The following ANO1 variants were observed in gnomAD, a reference collection of about 807,000 sequenced individuals.
ANO1 encodes the protein anoctamin 1, also known as anoctamin-1.
In ANO1, 59 loss-of-function variants were observed where a neutral mutation model predicts 124.0. That is an observed-to-expected ratio of 0.48 (90% confidence interval 0.39 to 0.59). The LOEUF (loss-of-function observed/expected upper bound fraction) is 0.59, where lower values mean the gene tolerates loss of function less well. Among genes scored for constraint, ANO1 ranks in the 20% least tolerant of loss-of-function variants. The probability of loss-of-function intolerance (pLI) is 0.00; values close to 1 mark genes in which losing one functional copy is unlikely to be tolerated. For synonymous variants in ANO1, 529 were observed against 532.0 expected (o/e 0.99, Z 0.08); for missense variants, 1,059 against 1,328.0 (o/e 0.80, Z 3.15).
At chr11:70,057,038 A>T (rs986736308) in intron 1 of ANO1, among the ~76,000 whole-genome samples, 1 of 152,160 alleles carries the variant, frequency 6.6e-6, no homozygotes, top group Non-Finnish European at 1.5e-5. Context: ...TATTCATCAT[A>T]TTAACAGATG....
chr11:70,095,248 A>AAAGGAAGGAAGGAAGGAAGG (rs71046578), intron 2 of ANO1, among the ~76,000 whole-genome samples: 4 of 36,990 alleles, frequency 1.1e-4, no homozygotes, highest in African/African-American at 3.3e-4. Flanking sequence ...AAAGAAAAAG[A>AAAGGAAGGAAGGAAGGAAGG]AAGGAAGGAA....
chr11:70,034,623 A>G (rs1857062818), intron 1 of ANO1, among the ~76,000 whole-genome samples: 1 of 152,312 alleles, frequency 6.6e-6, no homozygotes, highest in East Asian at 1.9e-4. Context: ...GATGGTCTCT[A>G]CTGCAGGAGA....
At position 70,165,556 on chromosome 11, in the gene ANO1, CGA is replaced by C. The variant is rs2048223344; in HGVS notation, c.2040_2041del (p.Glu680AspfsTer22). 1 of 1,610,758 alleles carries C rather than the reference CGA, an allele frequency of 6.2e-7. No homozygotes were observed. Among genetic ancestry groups the C allele is most frequent in the African/African-American group, 1.3e-5 (1 of 74,834 alleles). Reference sequence around the variant, plus strand: ...AACAGCTGATCCAGAACAACCTGTTCGAGATCGGCATCCCGTGAGTGTGCTGC... The same window carrying C: ...AACAGCTGATCCAGAACAACCTGTTCGATCGGCATCCCGTGAGTGTGCTGC... ...GKQLIQNNLF[E>X]IGIPKMKKLI... On this transcript the variant is annotated frameshift_variant, in exon 20 of 26. Coordinates refer to ENST00000355303, the MANE Select transcript of ANO1 (RefSeq NM_018043.7). LOFTEE classifies it high-confidence loss of function.
At chr11:70,172,771 CAGG>C (rs929611676) in intron 22 of ANO1, among the ~76,000 whole-genome samples, 30 of 151,962 alleles carry the variant, frequency 2.0e-4, no homozygotes, top group African/African-American at 7.2e-4. Context: ...GAGGCTGAGG[CAGG>C]AGAATTCCTT....
chr11:70,163,797 G>C (rs564670414), intron 19 of ANO1, among the ~76,000 whole-genome samples: 24 of 152,170 alleles, frequency 1.6e-4, no homozygotes, highest in Non-Finnish European at 3.2e-4. Context: ...AATTAGCCGG[G>C]TGTGGTGGTG....
At chr11:70,018,908 G>A (rs2134991535) in intron 1 of ANO1, among the ~76,000 whole-genome samples, 1 of 152,312 alleles carries the variant, frequency 6.6e-6, no homozygotes, top group East Asian at 1.9e-4. Context: ...GCCAAAAATA[G>A]GCAGCCTCAG....
chr11:70,105,833 C>T lies in ANO1; in HGVS notation c.747+45C>T, dbSNP rs760829023. 3.2e-6 allele frequency: 5 copies of T among 1,582,610 alleles called. No individual in the cohort carries two copies. In the South Asian group the frequency reaches 4.4e-5, roughly 14 times the overall value. On this transcript the variant is annotated intron_variant, in intron 5 of 25. Transcript: ENST00000355303. Reference sequence around the variant, plus strand: ...GGAAACGGCTCACTGGCAAGATGGCCCTGGGGATCCAGATGATAATTTCAT... The same window carrying T: ...GGAAACGGCTCACTGGCAAGATGGCTCTGGGGATCCAGATGATAATTTCAT...
chr11:70,172,103 GA>G (rs2048494217), intron 22 of ANO1, among the ~76,000 whole-genome samples: 1 of 136,764 alleles, frequency 7.3e-6, no homozygotes, highest in Admixed American at 7.7e-5. Context: ...CTGGGCAACA[GA>G]GAGAGAACCT....
chr11:70,097,563 C>A (rs2045049397), intron 2 of ANO1, among the ~76,000 whole-genome samples: 2 of 152,192 alleles, frequency 1.3e-5, no homozygotes, highest in Admixed American at 6.5e-5. Flanking sequence ...TAGGAGTGAG[C>A]ATTGCAGGGT....
At chr11:70,142,005 G>T (rs1384091481) in intron 11 of ANO1, among the ~76,000 whole-genome samples, 2 of 152,108 alleles carry the variant, frequency 1.3e-5, no homozygotes, top group East Asian at 3.9e-4. Flanking sequence ...TGCACCGTGG[G>T]GTCCAGCTTT....
the ANO1 span, among the ~76,000 whole-genome samples, chr11:69,966,554 C>G: frequency 6.6e-6 from 1 of 152,232 alleles, no homozygotes; most frequent in South Asian, 2.1e-4. Context: ...CTGGGAAGCC[C>G]GAGGCCGGCA....
At chr11:69,977,705 T>A in the ANO1 span, among the ~76,000 whole-genome samples, 3 of 152,202 alleles carry the variant, frequency 2.0e-5, no homozygotes, top group Admixed American at 1.3e-4. Flanking sequence ...TCAAGGACAA[T>A]GCAGCCAGCT....
At chr11:70,154,551 C>T (rs2047732156) in intron 14 of ANO1, among the ~76,000 whole-genome samples, 1 of 145,836 alleles carries the variant, frequency 6.9e-6, no homozygotes, top group South Asian at 2.2e-4. Flanking sequence ...ACTGCAAGCT[C>T]TGCCTCCCAG....
At chr11:70,099,372 C>T (rs953964692) in intron 2 of ANO1, among the ~76,000 whole-genome samples, 9 of 152,142 alleles carry the variant, frequency 5.9e-5, no homozygotes, top group East Asian at 5.8e-4. Flanking sequence ...CTCATGTAAA[C>T]GGGGGTGCAT....
At chr11:70,077,553 G>T (rs778919567), upstream of ANO1, among the ~76,000 whole-genome samples, 1 of 152,162 alleles carries the variant, frequency 6.6e-6, no homozygotes, top group Non-Finnish European at 1.5e-5. Context: ...AGGTCCGGGG[G>T]TAAGAGAGAT....
chr11:70,187,496 C>T (rs897331523), intron 25 of ANO1, among the ~76,000 whole-genome samples: 3 of 152,196 alleles, frequency 2.0e-5, no homozygotes, highest in African/African-American at 7.2e-5. Context: ...TTCAGAATGA[C>T]TCAGATGATT....
upstream of ANO1, among the ~76,000 whole-genome samples, chr11:70,077,991 A>G (rs965992257): frequency 2.7e-5 from 4 of 149,942 alleles, no homozygotes; most frequent in African/African-American, 9.8e-5. Flanking sequence ...GTGGAGGGAA[A>G]GGGGCAGAGA....
chr11:70,059,380 T>C (rs1555007410), intron 1 of ANO1, among the ~76,000 whole-genome samples: 5 of 148,662 alleles, frequency 3.4e-5, no homozygotes, highest in Non-Finnish European at 7.4e-5. Context: ...GCCGAACCAT[T>C]GTCAGATTGA....
At position 70,078,399 on chromosome 11, in the gene ANO1, G is replaced by A. The variant is rs2044093824; in HGVS notation, c.-208G>A. 2 of 148,950 alleles carry A rather than the reference G, an allele frequency of 1.3e-5. No individual in the cohort carries two copies. Among genetic ancestry groups the A allele is most frequent in the African/African-American group, 4.9e-5 (2 of 40,842 alleles). 9.2% of individuals were successfully genotyped at this position (148,950 alleles called of 1,614,324 possible). A position where few individuals can be genotyped will look rare whatever the true frequency, so the allele number is the denominator to read the frequency against. On this transcript the variant is annotated 5_prime_UTR_variant, in exon 1 of 26. Coordinates refer to ENST00000355303, the MANE Select transcript of ANO1 (RefSeq NM_018043.7). ...GGCGCGATCGGCCCCGAGAGGCTCAGGCGCCCCCCGCATCGAGCGCGCGGG... is the reference window on the plus strand; with the variant it reads ...GGCGCGATCGGCCCCGAGAGGCTCAAGCGCCCCCCGCATCGAGCGCGCGGG...
Sources: allele counts gnomAD v4.1 joint callset (sites outside exome capture counted in the v4.1 genomes callset), GRCh38; gene constraint gnomAD v4.1.1; transcripts MANE v1.5; gene names NCBI Gene and HGNC (gene_info 2026-07-23, HGNC 2026-07-21).